Variants in WNK1 observed in about 807,000 individuals in gnomAD.
The protein encoded by WNK1 is serine/threonine-protein kinase WNK1.
A neutral mutation model predicts 222.8 loss-of-function variants in WNK1; 38 were observed. That is an observed-to-expected ratio of 0.17 (90% CI 0.13 to 0.22). WNK1 has a LOEUF of 0.22. Among genes scored for constraint, WNK1 ranks in the 10% least tolerant of loss-of-function variants. The pLI, the probability that WNK1 is intolerant of heterozygous loss-of-function variation, is 1.00. For missense variants in WNK1, 2,348 were observed against 2,918.4 expected (o/e 0.80, Z 4.50); for synonymous variants, 1,090 against 1,092.9 (o/e 1.00, Z 0.05).
rs754320383 is a variant in WNK1, at chr12:880,830, C to T, written c.2942C>T (p.Pro981Leu). 39 of 1,613,910 alleles carry T rather than the reference C, an allele frequency of 2.4e-5. No individual in the cohort carries two copies. Among genetic ancestry groups the T allele is most frequent in the African/African-American group, 4.0e-5 (3 of 74,856 alleles). ...TCTACAGTCCTATCCCCTCCCATGC[C>T]GACAGAAGTACTGGCTACACCTGGG... ...IHSTVLSPPM[P>L]TEVLATPGYF... The change falls in exon 12 of 28, where the codon CCG becomes CTG. Residue 981 changes from proline (P) to leucine (L), a missense_variant. Physicochemically the swap from Pro to Leu is moderately conservative, Grantham distance 98. Coordinates refer to ENST00000315939, the MANE Select transcript of WNK1 (RefSeq NM_018979.4).
intron 26 of WNK1, chr12:901,431 C>T: frequency 2.2e-6 from 1 of 450,324 alleles, no homozygotes; most frequent in Non-Finnish European, 3.6e-6. Context: ...TGACCTTCCC[C>T]CCAGAAGCTT....
rs1036294232 is a variant in WNK1, at chr12:761,574, A to C, written c.759+7250A>C. Among the ~76,000 whole-genome samples, 32 of 148,058 alleles carry C rather than the reference A, an allele frequency of 2.2e-4. 3 individuals are homozygous for C. The highest frequency in any genetic ancestry group is 7.0e-4 in the African/African-American group (29 of 41,146). On this transcript the variant is annotated intron_variant, in intron 1 of 27. Transcript: ENST00000315939. ...TCAGTAGATACGTGGTAGATGGTCT[A>C]GTTAACCAAACACACACTAATGTAT...
At chr12:794,569 C>CGTATGGGCTTTGTACT (rs1464085494) in intron 1 of WNK1, among the ~76,000 whole-genome samples, 2 of 150,510 alleles carry the variant, frequency 1.3e-5, no homozygotes, top group African/African-American at 4.9e-5. Context: ...TGGAGATAAT[C>CGTATGGGCTTTGTACT]GTATGGGCTT....
At position 882,083 on chromosome 12, in the gene WNK1, C is replaced by A. The variant is rs1953214460; in HGVS notation, c.3372+10C>A. ...ATTAAGAATTTTGAATGTAAGTATT[C>A]CTAATTTGTGAGTTTCATGTTGTTA... is the stretch of plus-strand genomic sequence containing the variant. On this transcript the variant is annotated intron_variant, in intron 14 of 27. Coordinates refer to ENST00000315939, the MANE Select transcript of WNK1 (RefSeq NM_018979.4). 6.2e-7 allele frequency: 1 copy of A among 1,602,630 alleles called. No individual in the cohort carries two copies. Among genetic ancestry groups the A allele is most frequent in the African/African-American group, 1.3e-5 (1 of 74,630 alleles).
intron 1 of WNK1, among the ~76,000 whole-genome samples, chr12:797,948 CA>C (rs10542152): frequency 0.081 from 10,015 of 123,734 alleles, 840 homozygotes; most frequent in African/African-American, 0.25. Flanking sequence ...GACTCTGTCT[CA>C]AAAAAAAAAA....
chr12:870,417 A>G (rs1242063251), intron 8 of WNK1, among the ~76,000 whole-genome samples: 1 of 152,214 alleles, frequency 6.6e-6, no homozygotes, highest in East Asian at 1.9e-4. Context: ...CTGCAGTGGA[A>G]TGTGATATTA....
At chr12:904,333 CCTAT>C in intron 26 of WNK1, 8 of 672,368 alleles carry the variant, frequency 1.2e-5, no homozygotes, top group South Asian at 4.4e-5. Flanking sequence ...CCAGGTCCTA[CCTAT>C]CTGTCTCACC....
intron 10 of WNK1, 151 bp from the exon 11 acceptor site, chr12:879,422 T>A (rs1193008998): frequency 1.5e-5 from 10 of 663,784 alleles, no homozygotes; most frequent in Non-Finnish European, 2.3e-5. Context: ...AACACTAATG[T>A]ATGCAGGGTT....
intron 25 of WNK1, among the ~76,000 whole-genome samples, chr12:899,928 G>A (rs1259749759): frequency 1.3e-5 from 2 of 151,350 alleles, no homozygotes; most frequent in East Asian, 3.9e-4. Flanking sequence ...GTCTTCTTAC[G>A]CTGCTCAGAC....
At chr12:756,686 A>G (rs1047400448) in intron 1 of WNK1, among the ~76,000 whole-genome samples, 6 of 152,232 alleles carry the variant, frequency 3.9e-5, no homozygotes, top group African/African-American at 1.4e-4. Context: ...CACTTGCACT[A>G]CATGCCTAAT....
intron 9 of WNK1, among the ~76,000 whole-genome samples, chr12:872,587 A>G (rs936622037): frequency 6.6e-5 from 10 of 152,228 alleles, no homozygotes; most frequent in Admixed American, 2.6e-4. Context: ...AATAGTAATT[A>G]TTTGCAAGGG....
intron 1 of WNK1, among the ~76,000 whole-genome samples, chr12:793,549 C>G (rs944079968): frequency 2.0e-5 from 3 of 152,024 alleles, no homozygotes; most frequent in Non-Finnish European, 4.4e-5. Flanking sequence ...AATAGAGATT[C>G]ATATTGGGTG....
intron 1 of WNK1, among the ~76,000 whole-genome samples, chr12:765,310 G>T (rs766184300): frequency 1.4e-5 from 2 of 147,146 alleles, no homozygotes; most frequent in Non-Finnish European, 3.0e-5. Context: ...TACTTTGGAA[G>T]GCTGAGGCAG....
At chr12:800,895 A>C (rs1945802947) in intron 1 of WNK1, among the ~76,000 whole-genome samples, 1 of 152,210 alleles carries the variant, frequency 6.6e-6, no homozygotes, top group Non-Finnish European at 1.5e-5. Context: ...CTGTGCGCAC[A>C]GAAGGTGAGA....
intron 1 of WNK1, among the ~76,000 whole-genome samples, chr12:772,915 C>T (rs752837520): frequency 2.0e-5 from 3 of 152,044 alleles, no homozygotes; most frequent in Admixed American, 6.6e-5. Flanking sequence ...CTGTGTGGTT[C>T]AGAAATTTGT....
intron 8 of WNK1, among the ~76,000 whole-genome samples, chr12:867,336 G>T (rs1951759129): frequency 6.6e-6 from 1 of 152,100 alleles, no homozygotes; most frequent in African/African-American, 2.4e-5. Context: ...CTGATTTCTG[G>T]TTAGAAGGCA....
At chr12:872,050 A>G (rs1952199597) in intron 9 of WNK1, among the ~76,000 whole-genome samples, 1 of 152,226 alleles carries the variant, frequency 6.6e-6, no homozygotes, top group African/African-American at 2.4e-5. Flanking sequence ...AATCTGTAGA[A>G]TGATGTGTCA....
intron 1 of WNK1, among the ~76,000 whole-genome samples, chr12:798,187 A>G (rs1180497037): frequency 7.1e-6 from 1 of 140,456 alleles, no homozygotes; most frequent in Non-Finnish European, 1.6e-5. Context: ...TTCTTATTGC[A>G]TTTTCTTTTT....
At chr12:880,515 G>C (rs1953048135) in intron 11 of WNK1, among the ~76,000 whole-genome samples, 1 of 152,086 alleles carries the variant, frequency 6.6e-6, no homozygotes. Context: ...AAGTAGTATT[G>C]TAGAGTCCTG....
Sources: gnomAD v4.1 joint callset for allele counts (sites outside exome capture counted in the v4.1 genomes callset) on GRCh38, gnomAD v4.1.1 for gene constraint, MANE v1.5 for transcripts, NCBI Gene and HGNC (gene_info 2026-07-23, HGNC 2026-07-21) for gene names.